Variants in WWOX observed in about 807,000 individuals in gnomAD.
The protein encoded by WWOX is WW domain containing oxidoreductase.
Under a neutral mutation model 46.2 loss-of-function variants are expected in WWOX, and 69 were observed. The ratio of observed to expected loss-of-function variants is 1.49; its 90% CI spans 1.23 to 1.82. WWOX has a LOEUF of 1.82. Among genes scored for constraint, WWOX ranks in the 40% most tolerant of loss-of-function variants. The pLI, the probability that WWOX is intolerant of heterozygous loss-of-function variation, is 0.00. For missense variants in WWOX, 919 were observed against 542.6 expected, an observed-to-expected ratio of 1.69 and a Z score of -6.89; for synonymous variants, 359 against 202.6, an observed-to-expected ratio of 1.77 and a Z score of -6.56.
chr16:79,141,950 A>G (rs2050098086), intron 8 of WWOX, among the ~76,000 whole-genome samples: 1 of 152,144 alleles, frequency 6.6e-6, no homozygotes, highest in Non-Finnish European at 1.5e-5. Context: ...GGCTATTGTG[A>G]TAAGCCCGTC....
chr16:78,684,885 G>C (rs918713923), intron 8 of WWOX, among the ~76,000 whole-genome samples: 1 of 152,164 alleles, frequency 6.6e-6, no homozygotes, highest in Admixed American at 6.5e-5. Context: ...TTTATAGTCA[G>C]AGCATAGGAA....
chr16:79,168,431 C>A (rs1393649337), intron 8 of WWOX, among the ~76,000 whole-genome samples: 1 of 152,090 alleles, frequency 6.6e-6, no homozygotes, highest in Non-Finnish European at 1.5e-5. Context: ...AAGGAGTGTT[C>A]TCAGGTAACT....
At chr16:78,807,697 A>G (rs1429260005) in intron 8 of WWOX, among the ~76,000 whole-genome samples, 1 of 152,242 alleles carries the variant, frequency 6.6e-6, no homozygotes, top group African/African-American at 2.4e-5. Context: ...ATTCTCAGAA[A>G]GAAGAAACAA....
chr16:78,319,624 A>G (rs2080424358), intron 5 of WWOX, among the ~76,000 whole-genome samples: 1 of 152,128 alleles, frequency 6.6e-6, no homozygotes, highest in Admixed American at 6.6e-5. Flanking sequence ...AATGTGTGTT[A>G]TTTCAAGCCG....
At chr16:79,090,141 GA>G (rs1366131790) in intron 8 of WWOX, 1 of 152,084 alleles carries the variant, frequency 6.6e-6, no homozygotes, top group Non-Finnish European at 1.5e-5. Flanking sequence ...CTGTTTCTTT[GA>G]AGTTTTATGA....
At chr16:78,746,178 A>G (rs1394424338) in intron 8 of WWOX, among the ~76,000 whole-genome samples, 2 of 152,214 alleles carry the variant, frequency 1.3e-5, no homozygotes, top group African/African-American at 4.8e-5. Context: ...AAGCAGGGTC[A>G]GCAGAAAGCT....
At chr16:78,602,070 TAG>T (rs753743241) in intron 8 of WWOX, among the ~76,000 whole-genome samples, 5 of 152,198 alleles carry the variant, frequency 3.3e-5, no homozygotes, top group Non-Finnish European at 7.3e-5. Context: ...TTCCTGAAAT[TAG>T]AGTCTTATTT....
chr16:79,118,055 A>C (rs1055992585), intron 8 of WWOX, among the ~76,000 whole-genome samples: 6 of 152,246 alleles, frequency 3.9e-5, no homozygotes, highest in African/African-American at 1.4e-4. Context: ...CCTGTTTGGC[A>C]CGAGATCTGG....
chr16:78,946,115 A>G (rs113124419), intron 8 of WWOX, among the ~76,000 whole-genome samples: 1 of 152,156 alleles, frequency 6.6e-6, no homozygotes, highest in Non-Finnish European at 1.5e-5. Context: ...AAATTCCTCC[A>G]GTTAATTTTA....
intron 8 of WWOX, among the ~76,000 whole-genome samples, chr16:78,779,231 G>T (rs2050266364): frequency 6.6e-6 from 1 of 152,146 alleles, no homozygotes; most frequent in Admixed American, 6.5e-5. Flanking sequence ...TACAACATCT[G>T]CCTCCCTGGC....
chr16:78,164,100 G>A, intron 4 of WWOX, 83 bp from the exon 5 acceptor site: 2 of 1,269,192 alleles, frequency 1.6e-6, no homozygotes, highest in African/African-American at 1.5e-5. Flanking sequence ...GGTAATTTAA[G>A]TGGTGCTCCG....
chr16:78,263,252 C>T (rs534165336), intron 5 of WWOX, among the ~76,000 whole-genome samples: 1 of 152,320 alleles, frequency 6.6e-6, no homozygotes, highest in African/African-American at 2.4e-5. Context: ...ACTGTGTCCT[C>T]TCAGCAAGAC....
chr16:79,006,335 G>A (rs946461618), intron 8 of WWOX, among the ~76,000 whole-genome samples: 8 of 152,144 alleles, frequency 5.3e-5, no homozygotes, highest in Non-Finnish European at 1.2e-4. Context: ...AGACCCGGGG[G>A]CCTCAGCAGG....
At chr16:78,314,706 T>TTTTG (rs1555517890) in intron 5 of WWOX, among the ~76,000 whole-genome samples, 8 of 78,078 alleles carry the variant, frequency 1.0e-4, no homozygotes, top group African/African-American at 4.3e-4. Flanking sequence ...TTTTTGTTTT[T>TTTTG]TTTTTTTTTT....
intron 5 of WWOX, among the ~76,000 whole-genome samples, chr16:78,280,116 G>A (rs973032761): frequency 6.6e-6 from 1 of 152,190 alleles, no homozygotes; most frequent in Non-Finnish European, 1.5e-5. Context: ...CTACCCAACT[G>A]GGGGAACAAT....
intron 8 of WWOX, chr16:78,550,882 G>C (rs2044157272): frequency 6.6e-6 from 1 of 152,168 alleles, no homozygotes; most frequent in South Asian, 2.1e-4. Flanking sequence ...AGGAGTAAGA[G>C]AGATGGTATG....
intron 8 of WWOX, among the ~76,000 whole-genome samples, chr16:78,436,417 T>G (rs1199361160): frequency 6.6e-6 from 1 of 152,182 alleles, no homozygotes; most frequent in East Asian, 1.9e-4. Context: ...CTTGAGTGAT[T>G]AGAAAATAGC....
intron 5 of WWOX, among the ~76,000 whole-genome samples, chr16:78,183,060 G>A (rs371703426): frequency 2.0e-5 from 3 of 151,852 alleles, no homozygotes; most frequent in Non-Finnish European, 2.9e-5. Flanking sequence ...GGATCACATA[G>A]TGCATTGATT....
chr16:78,284,181 C>T (rs1235101462), intron 5 of WWOX, among the ~76,000 whole-genome samples: 1 of 152,106 alleles, frequency 6.6e-6, no homozygotes, highest in Non-Finnish European at 1.5e-5. Flanking sequence ...TTGGACAACC[C>T]GTTCCCATCT....
Sources: gnomAD v4.1 joint callset for allele counts (sites outside exome capture counted in the v4.1 genomes callset) on GRCh38, gnomAD v4.1.1 for gene constraint, MANE v1.5 for transcripts, NCBI Gene and HGNC (gene_info 2026-07-23, HGNC 2026-07-21) for gene names.